Variants in L3MBTL4 observed in about 807,000 individuals in gnomAD.
L3MBTL4 encodes the protein L3MBTL histone methyl-lysine binding protein 4.
A neutral mutation model predicts 84.5 loss-of-function variants in L3MBTL4; 70 were observed. The ratio of observed to expected loss-of-function variants is 0.83; its 90% CI spans 0.68 to 1.01. The LOEUF is 1.01. Among genes scored for constraint, L3MBTL4 ranks in the 50% least tolerant of loss-of-function variants. The probability of loss-of-function intolerance (pLI) is 0.00; values close to 1 mark genes in which losing one functional copy is unlikely to be tolerated. For missense variants in L3MBTL4, 715 were observed against 754.8 expected (o/e 0.95, Z 0.62); for synonymous variants, 274 against 259.8 (o/e 1.05, Z -0.52).
chr18:5,988,166 G>C (rs898362477), intron 16 of L3MBTL4, among the ~76,000 whole-genome samples: 2 of 152,182 alleles, frequency 1.3e-5, no homozygotes, highest in African/African-American at 4.8e-5. Flanking sequence ...CAGTGGACTT[G>C]GGAAGGAGGT....
At chr18:6,028,642 A>T (rs1399538797) in intron 16 of L3MBTL4, among the ~76,000 whole-genome samples, 1 of 152,232 alleles carries the variant, frequency 6.6e-6, no homozygotes, top group Non-Finnish European at 1.5e-5. Flanking sequence ...GGCCATTTTC[A>T]TGATATTGAT....
chr18:6,171,942 C>A lies in L3MBTL4; in HGVS notation c.982G>T (p.Val328Phe). The change falls in exon 13 of 19, where the codon GTT becomes TTT. Residue 328 changes from valine (V) to phenylalanine (F), a missense_variant and splice_region_variant. By Grantham distance (50) the Val-to-Phe change is conservative. Transcript: ENST00000317931. Reference protein sequence around the residue: ...IVDVDDQRVKVHFDGWDHKYD... With the variant: ...IVDVDDQRVKFHFDGWDHKYD... ...TTATGGTCCCAACCATCAAAATGAA[C>A]CTGTTAAAACGAGTTTTGAATGATT... 6.7e-7 allele frequency: 1 copy of A among 1,485,004 alleles called. No homozygotes were observed. The highest frequency in any genetic ancestry group is 2.0e-5 in the Admixed American group (1 of 49,024). The allele number at this position is 1,485,004 out of a possible 1,614,324, so 92.0% of individuals were successfully genotyped here.
intron 12 of L3MBTL4, among the ~76,000 whole-genome samples, chr18:6,181,875 T>G (rs2145361387): frequency 6.6e-6 from 1 of 152,238 alleles, no homozygotes; most frequent in East Asian, 1.9e-4. Flanking sequence ...CATTCCATGG[T>G]GTATATGTAC....
intron 4 of L3MBTL4, among the ~76,000 whole-genome samples, chr18:6,267,597 C>T (rs556675014): frequency 3.8e-4 from 58 of 152,336 alleles, no homozygotes; most frequent in Non-Finnish European, 6.0e-4. Context: ...AAAGCAAATA[C>T]AGATATCTCA....
chr18:5,981,998 G>GTGTGTGTGTGTGTGTGTGTGTGTGTT (rs1555622580), intron 16 of L3MBTL4, among the ~76,000 whole-genome samples: 1 of 128,592 alleles, frequency 7.8e-6, no homozygotes, highest in African/African-American at 3.4e-5. Context: ...GTGTGTGTGT[G>GTGTGTGTGTGTGTGTGTGTGTGTGTT]TGTGTGTGTG....
chr18:6,049,386 A>T (rs1354227465), intron 16 of L3MBTL4, among the ~76,000 whole-genome samples: 1 of 152,366 alleles, frequency 6.6e-6, no homozygotes, highest in Non-Finnish European at 1.5e-5. Flanking sequence ...AGGAACTTAA[A>T]CAAATCAACA....
chr18:6,303,373 G>A (rs146055883), intron 3 of L3MBTL4, among the ~76,000 whole-genome samples: 210 of 152,076 alleles, frequency 1.4e-3, no homozygotes, highest in Middle Eastern at 0.01. Context: ...TGCCCACCTC[G>A]GCCTCCCAAA....
intron 10 of L3MBTL4, among the ~76,000 whole-genome samples, chr18:6,227,471 C>A (rs2046825372): frequency 6.6e-6 from 1 of 152,166 alleles, no homozygotes; most frequent in Admixed American, 6.5e-5. Context: ...AAATTGAATT[C>A]ATAGCTAAAA....
At chr18:6,030,092 A>C in intron 16 of L3MBTL4, 1 of 978,518 alleles carries the variant, frequency 1.0e-6, no homozygotes, top group Non-Finnish European at 1.2e-6. Flanking sequence ...GACACGAGGA[A>C]ACTGTTTAAC....
intron 1 of L3MBTL4, chr18:6,395,162 A>C (rs891138041): frequency 6.6e-6 from 1 of 152,180 alleles, no homozygotes; most frequent in African/African-American, 2.4e-5. Context: ...GCACCACTGC[A>C]CATGAGCCTG....
chr18:6,309,966 C>T (rs1473865429), intron 3 of L3MBTL4, among the ~76,000 whole-genome samples: 1 of 152,196 alleles, frequency 6.6e-6, no homozygotes, highest in Non-Finnish European at 1.5e-5. Context: ...CATGAGTGGG[C>T]TTCAGAATCA....
At chr18:6,238,797 G>A (rs1232191796) in intron 9 of L3MBTL4, among the ~76,000 whole-genome samples, 1 of 152,052 alleles carries the variant, frequency 6.6e-6, no homozygotes, top group Admixed American at 6.6e-5. Flanking sequence ...GGAGAAGACA[G>A]GGCCCATCAG....
chr18:6,143,886 G>A (rs2060266936), intron 13 of L3MBTL4, among the ~76,000 whole-genome samples: 1 of 152,158 alleles, frequency 6.6e-6, no homozygotes, highest in Non-Finnish European at 1.5e-5. Context: ...TATGTTTTAT[G>A]AGTGGGAAAA....
chr18:6,133,534 T>C (rs2059939605), intron 14 of L3MBTL4, among the ~76,000 whole-genome samples: 1 of 152,100 alleles, frequency 6.6e-6, no homozygotes, highest in East Asian at 1.9e-4. Context: ...CTTTCCTTTT[T>C]CCTGGTTTCC....
In L3MBTL4 at chr18:6,137,795, C is replaced by T. The variant is rs192723808; in HGVS notation, c.1199+399G>A. ...GTTTTCTATTCTTTTATAGAATTAA[C>T]TCCAAATGAATAAGAAAGACAGAAA... On this transcript the variant is annotated intron_variant, in intron 14 of 18. Transcript: ENST00000317931. 2.6e-3 allele frequency among the ~76,000 whole-genome samples: 399 copies of T among 152,176 alleles called. 2 individuals are homozygous for T. The highest frequency in any genetic ancestry group is 9.1e-3 in the African/African-American group (379 of 41,504).
At chr18:6,031,785 G>A in intron 16 of L3MBTL4, 1 of 984,174 alleles carries the variant, frequency 1.0e-6, no homozygotes, top group Non-Finnish European at 1.2e-6. Flanking sequence ...CAGTCATCTG[G>A]TGACTAAAGG....
chr18:6,307,209 G>T (rs898478343), intron 3 of L3MBTL4, among the ~76,000 whole-genome samples: 1 of 151,932 alleles, frequency 6.6e-6, no homozygotes, highest in South Asian at 2.1e-4. Context: ...GAGGCAGGCG[G>T]ATCACAAGGT....
Position 6,008,602 on chromosome 18 carries a change from G to A in L3MBTL4, c.1445-39040C>T, listed in dbSNP as rs2054594027. ...TTCTTACAAGGGCATAATCGTGTCT[G>A]GGGGCTTCACCCTCATGGCCACATC... is the stretch of plus-strand genomic sequence containing the variant. On this transcript the variant is annotated intron_variant, in intron 16 of 18. Coordinates refer to ENST00000317931, the MANE Select transcript of L3MBTL4 (RefSeq NM_001330559.2). Among the ~76,000 whole-genome samples, 3 of 152,078 alleles carry A rather than the reference G, an allele frequency of 2.0e-5. 1 individual carries two copies. The highest frequency in any genetic ancestry group is 2.0e-4 in the Admixed American group (3 of 15,266).
intron 12 of L3MBTL4, among the ~76,000 whole-genome samples, chr18:6,190,573 A>G (rs1391447975): frequency 2.0e-5 from 3 of 152,230 alleles, no homozygotes; most frequent in African/African-American, 7.2e-5. Context: ...AGCCACAAAT[A>G]TTAATTGCAT....
Sources: allele counts gnomAD v4.1 joint callset (sites outside exome capture counted in the v4.1 genomes callset), GRCh38; gene constraint gnomAD v4.1.1; transcripts MANE v1.5; gene names NCBI Gene and HGNC (gene_info 2026-07-23, HGNC 2026-07-21).